The following MEI4 variants were observed in gnomAD, a reference collection of about 807,000 sequenced individuals.
The protein encoded by MEI4 is meiosis-specific protein MEI4.
Under a neutral mutation model 31.4 loss-of-function variants are expected in MEI4, and 27 were observed. The observed-to-expected ratio is 0.86, with a 90% CI of 0.63 to 1.19. The LOEUF (loss-of-function observed/expected upper bound fraction) is 1.19. Among genes scored for constraint, MEI4 ranks in the 50% most tolerant of loss-of-function variants. MEI4 has a pLI of 0.00. For synonymous variants in MEI4, 122 were observed against 145.4 expected (o/e 0.84, Z 1.16); for missense variants, 329 against 398.9 (o/e 0.82, Z 1.49).
chr6:77,714,938 T>C (rs1766546338), intron 2 of MEI4, among the ~76,000 whole-genome samples: 1 of 152,214 alleles, frequency 6.6e-6, no homozygotes, highest in Non-Finnish European at 1.5e-5. Context: ...AAATGCCTTT[T>C]TGCCTTGCAG....
intron 2 of MEI4, among the ~76,000 whole-genome samples, chr6:77,743,168 GTAGA>G (rs1053933736): frequency 3.3e-5 from 5 of 152,198 alleles, no homozygotes. Flanking sequence ...AAAGTCATTG[GTAGA>G]TTGATGGGGA....
intron 4 of MEI4, among the ~76,000 whole-genome samples, chr6:77,893,759 T>G (rs1322939414): frequency 6.6e-6 from 1 of 152,182 alleles, no homozygotes; most frequent in Non-Finnish European, 1.5e-5. Flanking sequence ...CAAGAAAGCT[T>G]TTTCTGGGAC....
chr6:77,799,255 A>AT, intron 3 of MEI4, among the ~76,000 whole-genome samples: 1 of 151,928 alleles, frequency 6.6e-6, no homozygotes, highest in East Asian at 1.9e-4. Context: ...GATGGTGAGC[A>AT]TTTTTTCCTG....
intron 1 of MEI4, among the ~76,000 whole-genome samples, chr6:77,682,032 A>G (rs1582018502): frequency 6.6e-6 from 1 of 152,236 alleles, no homozygotes. Context: ...GACGGATCTA[A>G]TCCAAAAATT....
At chr6:77,771,992 ATTAT>A (rs2127686844) in intron 3 of MEI4, among the ~76,000 whole-genome samples, 2 of 152,052 alleles carry the variant, frequency 1.3e-5, no homozygotes, top group South Asian at 4.1e-4. Context: ...AATTTACATT[ATTAT>A]TTTATACATC....
intron 4 of MEI4, among the ~76,000 whole-genome samples, chr6:77,834,412 TTA>T (rs1346225231): frequency 6.8e-6 from 1 of 147,744 alleles, no homozygotes; most frequent in African/African-American, 2.4e-5. Context: ...TAAAATTATA[TTA>T]TATATTTATA....
chr6:77,692,448 G>C (rs1769174892), intron 2 of MEI4, among the ~76,000 whole-genome samples: 1 of 152,030 alleles, frequency 6.6e-6, no homozygotes, highest in South Asian at 2.1e-4. Flanking sequence ...GCAAATACCT[G>C]TTCAATGAAA....
intron 2 of MEI4, among the ~76,000 whole-genome samples, chr6:77,739,738 A>G (rs1435649954): frequency 2.0e-5 from 3 of 152,040 alleles, no homozygotes; most frequent in Non-Finnish European, 1.5e-5. Context: ...TTAAAAAAAA[A>G]AATAGGAAAA....
At chr6:77,887,389 C>T (rs540271852) in intron 4 of MEI4, among the ~76,000 whole-genome samples, 3 of 151,920 alleles carry the variant, frequency 2.0e-5, no homozygotes, top group Non-Finnish European at 4.4e-5. Context: ...CTCCACCTCC[C>T]GGGTTGAAGT....
At chr6:77,805,553 A>T (rs1769408203) in intron 3 of MEI4, among the ~76,000 whole-genome samples, 1 of 152,164 alleles carries the variant, frequency 6.6e-6, no homozygotes, top group South Asian at 2.1e-4. Flanking sequence ...AATAGTAATT[A>T]GAGCTTTACA....
chr6:77,870,962 T>A (rs1486462102), intron 4 of MEI4, among the ~76,000 whole-genome samples: 4 of 152,200 alleles, frequency 2.6e-5, no homozygotes, highest in Admixed American at 6.5e-5. Flanking sequence ...CTGCATTTTT[T>A]ACAAGTGCCT....
At chr6:77,875,885 G>T (rs1397875340) in intron 4 of MEI4, among the ~76,000 whole-genome samples, 2 of 152,116 alleles carry the variant, frequency 1.3e-5, no homozygotes, top group African/African-American at 4.8e-5. Flanking sequence ...TTACTGAGTT[G>T]AAGTCTTTAT....
intron 4 of MEI4, among the ~76,000 whole-genome samples, chr6:77,909,432 C>G (rs1581971211): frequency 6.6e-6 from 1 of 152,290 alleles, no homozygotes; most frequent in African/African-American, 2.4e-5. Flanking sequence ...ATAAACACCT[C>G]TATGCAAATA....
At chr6:77,766,580 A>AT (rs1768181159) in intron 3 of MEI4, among the ~76,000 whole-genome samples, 2 of 151,854 alleles carry the variant, frequency 1.3e-5, no homozygotes, top group East Asian at 2.0e-4. Flanking sequence ...CACCCGGCTA[A>AT]TTTTTTTGTA....
intron 4 of MEI4, among the ~76,000 whole-genome samples, chr6:77,861,971 C>G (rs556690513): frequency 6.6e-6 from 1 of 151,812 alleles, no homozygotes; most frequent in South Asian, 2.1e-4. Flanking sequence ...GATGAAACAT[C>G]TTTTAACCAA....
At chr6:77,674,013 T>G (rs1184399967) in intron 1 of MEI4, among the ~76,000 whole-genome samples, 1 of 152,170 alleles carries the variant, frequency 6.6e-6, no homozygotes, top group Non-Finnish European at 1.5e-5. Flanking sequence ...TAAAAGGTCT[T>G]CTATATATGT....
In MEI4 at chr6:77,803,345, G is replaced by C. The variant is rs142244578; in HGVS notation, c.769-25586G>C. 1.4e-3 allele frequency among the ~76,000 whole-genome samples: 213 copies of C among 152,142 alleles called. 1 individual carries two copies. Among genetic ancestry groups the C allele is most frequent in the African/African-American group, 4.5e-3 (187 of 41,518 alleles). ...CATCAGGTCCTTTAAGGACTTCTCT[G>C]CATTGGTTATTCTAGGTAGTCATTG... On this transcript the variant is annotated intron_variant, in intron 3 of 4. Transcript: ENST00000684080.
At position 77,862,515 on chromosome 6, in the gene MEI4, C is replaced by T. The variant is rs12664824; in HGVS notation, c.900+33453C>T. Among the ~76,000 whole-genome samples the T allele has an allele frequency of 1.3e-3, 196 of 152,272 alleles. 1 individual carries two copies. The highest frequency in any genetic ancestry group is 4.1e-3 in the African/African-American group (169 of 41,566). ...CTGAGATCAAACTGCAAGGTGGCAG[C>T]GATGCTGGGGGAGGGGCACCTGCCA... On this transcript the variant is annotated intron_variant, in intron 4 of 4. Transcript: ENST00000684080.
chr6:77,750,089 C>T (rs947153450), intron 2 of MEI4, among the ~76,000 whole-genome samples: 2 of 152,108 alleles, frequency 1.3e-5, no homozygotes, highest in African/African-American at 4.8e-5. Flanking sequence ...TTGTCATCAC[C>T]AAGCCTGCCT....
Sources: gnomAD v4.1 joint callset for allele counts (sites outside exome capture counted in the v4.1 genomes callset) on GRCh38, gnomAD v4.1.1 for gene constraint, MANE v1.5 for transcripts, NCBI Gene and HGNC (gene_info 2026-07-23, HGNC 2026-07-21) for gene names.